The following HHIPL1 variants were observed in gnomAD, a reference collection of about 807,000 sequenced individuals.
HHIPL1 encodes the protein HHIP-like protein 1.
Under a neutral mutation model 61.8 loss-of-function variants are expected in HHIPL1, and 43 were observed. The ratio of observed to expected loss-of-function variants is 0.70; its 90% CI spans 0.55 to 0.90. The LOEUF is 0.90. HHIPL1 is among the 40% of genes least tolerant of loss of function. HHIPL1 has a pLI of 0.00. For missense variants in HHIPL1, 1,056 were observed against 1,157.7 expected (o/e 0.91, Z 1.28); for synonymous variants, 482 against 515.8 (o/e 0.93, Z 0.89).
the HHIPL1 span, among the ~76,000 whole-genome samples, chr14:99,629,071 C>T: frequency 1.3e-5 from 2 of 152,320 alleles, no homozygotes; most frequent in Admixed American, 1.3e-4. Flanking sequence ...CCAGCATGTC[C>T]TTCCCAGACA....
the HHIPL1 span, among the ~76,000 whole-genome samples, chr14:99,621,829 C>T: frequency 6.9e-6 from 1 of 144,166 alleles, no homozygotes; most frequent in South Asian, 2.3e-4. Flanking sequence ...GATTCTCCTG[C>T]CTCAGCCTCC....
Position 99,654,124 on chromosome 14 carries a change from G to A in HHIPL1, c.902+1254G>A, listed in dbSNP as rs144291365. 2.8e-3 allele frequency among the ~76,000 whole-genome samples: 416 copies of A among 150,854 alleles called. 1 individual carries two copies. The highest frequency in any genetic ancestry group is 0.017 in the Middle Eastern group (5 of 288). ...GAATGTCTTGAACCCAGGAGGCAGA[G>A]GTTGCAGTGAACCAAGATCCTGCCA... On this transcript the variant is annotated intron_variant, in intron 2 of 8. Transcript: ENST00000330710.
intron 3 of HHIPL1, among the ~76,000 whole-genome samples, chr14:99,657,481 C>A (rs2056067958): frequency 6.6e-6 from 1 of 152,184 alleles, no homozygotes. Flanking sequence ...GTCAGCCTGG[C>A]CCTGCCAGAC....
At chr14:99,625,288 G>A in the HHIPL1 span, 1 of 152,280 alleles carries the variant, frequency 6.6e-6, no homozygotes, top group Non-Finnish European at 1.5e-5. Flanking sequence ...TAAGGTGTAG[G>A]GGGGTCAAGG....
chr14:99,666,376 G>A (rs1233463964), intron 6 of HHIPL1, among the ~76,000 whole-genome samples: 2 of 152,248 alleles, frequency 1.3e-5, no homozygotes, highest in Admixed American at 6.5e-5. Flanking sequence ...GGCAGCATCC[G>A]CAGGGGCTCC....
the HHIPL1 span, among the ~76,000 whole-genome samples, chr14:99,614,899 A>C: frequency 1.3e-5 from 2 of 152,164 alleles, no homozygotes; most frequent in African/African-American, 4.8e-5. Context: ...TAAAATCAAA[A>C]AATTATCTGG....
chr14:99,663,114 GACC>G (rs906027671), intron 6 of HHIPL1, 93 bp downstream of exon 6: 1 of 1,249,740 alleles, frequency 8.0e-7, no homozygotes, highest in Non-Finnish European at 1.1e-6. Flanking sequence ...GTAGGGGAAG[GACC>G]ACACAGGCCT....
chr14:99,652,731 G>A lies in HHIPL1; in HGVS notation c.763G>A (p.Ala255Thr). The A allele has an allele frequency of 6.2e-7, 1 of 1,613,992 alleles. No homozygotes were observed. Residue 255 changes from alanine (A) to threonine (T), a missense_variant, in exon 2 of 9, where the codon GCC becomes ACC. Coordinates refer to ENST00000330710, the MANE Select transcript of HHIPL1 (RefSeq NM_001127258.3). Reference protein sequence around the residue: ...EGDERGFLGIAFHPSFQHNRR... With the variant: ...EGDERGFLGITFHPSFQHNRR... ...TGACGAGCGTGGCTTCCTGGGCATT[G>A]CCTTCCACCCCAGCTTCCAGCACAA...
At position 99,660,307 on chromosome 14, in the gene HHIPL1, C is replaced by G. The variant is rs752024337; in HGVS notation, c.1403C>G (p.Pro468Arg). The change falls in exon 5 of 9, where the codon CCG becomes CGG. Residue 468 changes from proline to arginine, a missense_variant. Transcript: ENST00000330710. This position sits in a 1 kb window ranked among gnomAD's most constrained non-coding sequence, Gnocchi z 4.9. The stretch of plus-strand genomic sequence containing the variant: ...GACTTGCTGCCGATTTTCGCCTACC[C>G]GCACACGGTTGGCAAGTCGGTCACA... ...LNDLLPIFAY[P>R]HTVGKSVTGG... 6 of 1,614,090 alleles carry G rather than the reference C, an allele frequency of 3.7e-6. No homozygotes were observed. The highest frequency in any genetic ancestry group is 2.2e-5 in the East Asian group (1 of 44,850).
At chr14:99,631,053 TTTCTTTC>T in the HHIPL1 span, among the ~76,000 whole-genome samples, 2 of 39,048 alleles carry the variant, frequency 5.1e-5, no homozygotes, top group Non-Finnish European at 1.1e-4. Flanking sequence ...CTCCATTTTC[TTTCTTTC>T]TTTCTTTCTT....
rs2056371586 is a variant in HHIPL1, at chr14:99,675,128, A to AGCGCGGGCGCCC, written c.1852_1863dup (p.Ala618_Pro621dup). The AGCGCGGGCGCCC allele has an allele frequency of 8.8e-7, 1 of 1,136,212 alleles. No homozygotes were observed. Among genetic ancestry groups the AGCGCGGGCGCCC allele is most frequent in the Non-Finnish European group, 1.1e-6 (1 of 917,216 alleles). The allele number at this position is 1,136,212 out of a possible 1,614,324, so 70.4% of individuals were successfully genotyped here. A position where few individuals can be genotyped will look rare whatever the true frequency, so the allele number is the denominator to read the frequency against. ...AGACACGGAGCACCCCGCGGCCTAC[A>AGCGCGGGCGCCC]GCGCGGGCGCCCACGCGGGCGCCCC... On this transcript the variant is annotated inframe_insertion, in exon 9 of 9. Transcript: ENST00000330710. This position sits in a 1 kb window ranked among gnomAD's most constrained non-coding sequence, Gnocchi z 5.4.
chr14:99,605,257 A>G, the HHIPL1 span, among the ~76,000 whole-genome samples: 1 of 152,174 alleles, frequency 6.6e-6, no homozygotes, highest in African/African-American at 2.4e-5. Context: ...CGAGCCGGCC[A>G]CAGAACTCCC....
chr14:99,663,723 C>G (rs1371175150), intron 6 of HHIPL1, among the ~76,000 whole-genome samples: 2 of 152,162 alleles, frequency 1.3e-5, no homozygotes, highest in East Asian at 3.9e-4. Context: ...TCTCTGAGCT[C>G]CCGTTTGTTC....
chr14:99,608,710 C>T, the HHIPL1 span, among the ~76,000 whole-genome samples: 1 of 152,208 alleles, frequency 6.6e-6, no homozygotes, highest in Non-Finnish European at 1.5e-5. Flanking sequence ...GTTGACTGGG[C>T]ACTTTCTAGG....
intron 1 of HHIPL1, among the ~76,000 whole-genome samples, chr14:99,648,230 C>T (rs1215479398): frequency 1.3e-5 from 2 of 152,272 alleles, no homozygotes; most frequent in Admixed American, 6.5e-5. Context: ...GGGAAGGCTT[C>T]CTGAATGTTG....
At chr14:99,659,898 T>A in intron 4 of HHIPL1, 142 bp downstream of exon 4, 1 of 587,866 alleles carries the variant, frequency 1.7e-6, no homozygotes, top group Non-Finnish European at 2.7e-6. Flanking sequence ...GGCCCCACTC[T>A]ATGGGCTGTG....
upstream of HHIPL1, among the ~76,000 whole-genome samples, chr14:99,643,846 G>C (rs1482830235): frequency 6.6e-6 from 1 of 152,234 alleles, no homozygotes. Flanking sequence ...GCTGTGGCCA[G>C]ACAGGCCTTG....
intron 3 of HHIPL1, among the ~76,000 whole-genome samples, chr14:99,657,856 AATACACACACAT>A (rs553885931): frequency 2.0e-5 from 3 of 151,078 alleles, no homozygotes; most frequent in African/African-American, 4.9e-5. Flanking sequence ...ACATACACAC[AATACACACACAT>A]ATACACACAC....
chr14:99,675,664 G>T lies in HHIPL1; in HGVS notation c.*38G>T. On this transcript the variant is annotated 3_prime_UTR_variant, in exon 9 of 9. Transcript: ENST00000330710. This position sits in a 1 kb window ranked among gnomAD's most constrained non-coding sequence, Gnocchi z 5.4. ...TGCCCCAGGCCATCCCGCCGGCGGGGGAGCCTGGCAGGGGCCGCTCCGCCC... is the reference window on the plus strand; with the variant it reads ...TGCCCCAGGCCATCCCGCCGGCGGGTGAGCCTGGCAGGGGCCGCTCCGCCC... 2 of 1,471,974 alleles carry T rather than the reference G, an allele frequency of 1.4e-6. No individual in the cohort carries two copies. Among genetic ancestry groups the T allele is most frequent in the Non-Finnish European group, 1.8e-6 (2 of 1,112,062 alleles). 91.2% of individuals were successfully genotyped at this position (1,471,974 alleles called of 1,614,324 possible). A position where few individuals can be genotyped will look rare whatever the true frequency, so the allele number is the denominator to read the frequency against.
Sources: gnomAD v4.1 joint callset for allele counts (sites outside exome capture counted in the v4.1 genomes callset) on GRCh38, gnomAD v4.1.1 for gene constraint, Gnocchi (gnomAD v3.1) non-coding constraint, MANE v1.5 for transcripts, NCBI Gene and HGNC (gene_info 2026-07-23, HGNC 2026-07-21) for gene names.